Variants in EXTL3 observed in about 807,000 individuals in gnomAD.
The protein encoded by EXTL3 is exostosin-like 3.
Under a neutral mutation model 69.3 loss-of-function variants are expected in EXTL3, and 27 were observed. The ratio of observed to expected loss-of-function variants is 0.39; its 90% CI spans 0.29 to 0.54. The LOEUF is 0.54. Among genes scored for constraint, EXTL3 ranks in the 20% least tolerant of loss-of-function variants. EXTL3 has a pLI of 0.69. For missense variants in EXTL3, 1,003 were observed against 1,231.8 expected (o/e 0.81, Z 2.78); for synonymous variants, 511 against 499.4 (o/e 1.02, Z -0.31).
At chr8:28,612,505 A>C in intron 2 of EXTL3, among the ~76,000 whole-genome samples, 1 of 152,022 alleles carries the variant, frequency 6.6e-6, no homozygotes, top group Non-Finnish European at 1.5e-5. Context: ...AAAATAAAAA[A>C]CAAAATTCTA....
intron 1 of EXTL3, among the ~76,000 whole-genome samples, chr8:28,642,182 C>T (rs950732758): frequency 6.6e-6 from 1 of 152,010 alleles, no homozygotes. Flanking sequence ...GTGGTTCATG[C>T]CTGTAAATTC....
chr8:28,693,567 C>G (rs768525620), intron 1 of EXTL3, among the ~76,000 whole-genome samples: 40 of 152,162 alleles, frequency 2.6e-4, no homozygotes, highest in Non-Finnish European at 4.9e-4. Flanking sequence ...AATGAGTTAA[C>G]AAATAGTTTC....
Position 28,750,968 on chromosome 8 carries a change from C to T in EXTL3, c.*102C>T. The T allele has an allele frequency of 2.0e-6, 2 of 995,294 alleles. No homozygotes were observed. The highest frequency in any genetic ancestry group is 3.1e-6 in the Non-Finnish European group (2 of 648,782). The allele number at this position is 995,294 out of a possible 1,614,324, so 61.7% of individuals were successfully genotyped here. On this transcript the variant is annotated 3_prime_UTR_variant, in exon 7 of 7. Transcript: ENST00000220562. The surrounding 1 kb of genome is among the most constrained non-coding windows in gnomAD (Gnocchi z 5.2). ...CTTGGGCACATCTGCTGGTGGGTGGCCCAGAGCCTCTGCTGGAAGGGGCAG... is the reference window on the plus strand; with the variant it reads ...CTTGGGCACATCTGCTGGTGGGTGGTCCAGAGCCTCTGCTGGAAGGGGCAG...
At chr8:28,731,891 T>G (rs1447047051) in intron 4 of EXTL3, among the ~76,000 whole-genome samples, 2 of 151,996 alleles carry the variant, frequency 1.3e-5, no homozygotes, top group Non-Finnish European at 2.9e-5. Context: ...GTAATGATGA[T>G]GATGATGATG....
intron 1 of EXTL3, among the ~76,000 whole-genome samples, chr8:28,709,783 T>A (rs1800996586): frequency 6.6e-6 from 1 of 152,140 alleles, no homozygotes; most frequent in East Asian, 1.9e-4. Flanking sequence ...AATCGCAGTT[T>A]GCTATTGTGA....
intron 1 of EXTL3, among the ~76,000 whole-genome samples, chr8:28,648,539 C>T (rs1806869769): frequency 6.6e-6 from 1 of 152,096 alleles, no homozygotes; most frequent in Non-Finnish European, 1.5e-5. Context: ...TAACATTCTG[C>T]CTTTTGGCTC....
chr8:28,743,053 C>A (rs776131467), intron 5 of EXTL3, 33 bp from the exon 6 acceptor site: 2 of 1,613,588 alleles, frequency 1.2e-6, no homozygotes, highest in South Asian at 2.2e-5. Flanking sequence ...TGTCTTGTAA[C>A]AGAGCATGTG....
chr8:28,749,446 A>G (rs1223488986), intron 6 of EXTL3, among the ~76,000 whole-genome samples: 1 of 152,102 alleles, frequency 6.6e-6, no homozygotes, highest in Non-Finnish European at 1.5e-5. Flanking sequence ...AAATTTAAAG[A>G]CACTTCTTCC....
At chr8:28,617,479 A>G (rs1231715289) in intron 2 of EXTL3, among the ~76,000 whole-genome samples, 1 of 152,218 alleles carries the variant, frequency 6.6e-6, no homozygotes, top group African/African-American at 2.4e-5. Context: ...CTATTCAGCC[A>G]TAAAAAGAAA....
chr8:28,660,077 G>A (rs1807082325), intron 1 of EXTL3, among the ~76,000 whole-genome samples: 1 of 152,174 alleles, frequency 6.6e-6, no homozygotes, highest in South Asian at 2.1e-4. Flanking sequence ...AAAAAATAAA[G>A]TTGGGCCGGG....
chr8:28,646,641 T>G (rs1806836026), intron 1 of EXTL3, among the ~76,000 whole-genome samples: 1 of 152,168 alleles, frequency 6.6e-6, no homozygotes, highest in Non-Finnish European at 1.5e-5. Flanking sequence ...GCACATTCAC[T>G]AAATTGTTAA....
intron 1 of EXTL3, among the ~76,000 whole-genome samples, chr8:28,656,761 C>T (rs1277180054): frequency 6.6e-6 from 1 of 152,112 alleles, no homozygotes; most frequent in East Asian, 1.9e-4. Flanking sequence ...CTAAAACCTC[C>T]TCAAATAGTT....
At position 28,713,553 on chromosome 8, in the gene EXTL3, GAGGA is replaced by G; in HGVS notation, c.-476+9_-476+12del. 1 of 702,284 alleles carries G rather than the reference GAGGA, an allele frequency of 1.4e-6. No individual in the cohort carries two copies. Among genetic ancestry groups the G allele is most frequent in the Non-Finnish European group, 2.6e-6 (1 of 384,866 alleles). 43.5% of individuals were successfully genotyped at this position (702,284 alleles called of 1,614,324 possible). On this transcript the variant is annotated splice_donor_5th_base_variant and intron_variant, in intron 2 of 6. Transcript: ENST00000220562. ...AAGGAAGGGTCCTGAAACACATGGT[GAGGA>G]AGGAATGAGTCAGCTGGATTGCTGT...
At chr8:28,643,899 G>C (rs577625209) in intron 1 of EXTL3, among the ~76,000 whole-genome samples, 7 of 152,160 alleles carry the variant, frequency 4.6e-5, no homozygotes, top group Admixed American at 4.6e-4. Flanking sequence ...CTGAGTAGCT[G>C]GGACCACAGG....
intron 1 of EXTL3, among the ~76,000 whole-genome samples, chr8:28,679,289 T>C (rs1807440240): frequency 6.6e-6 from 1 of 151,862 alleles, no homozygotes; most frequent in Non-Finnish European, 1.5e-5. Context: ...CTACTAAAAA[T>C]ACAAAAATTA....
chr8:28,734,826 C>T (rs879376865), intron 4 of EXTL3, among the ~76,000 whole-genome samples: 2 of 152,222 alleles, frequency 1.3e-5, no homozygotes, highest in Non-Finnish European at 1.5e-5. Context: ...TCACTGAAGG[C>T]CTAACCTGAC....
chr8:28,636,844 C>G (rs1005674666), intron 1 of EXTL3, among the ~76,000 whole-genome samples: 1 of 152,142 alleles, frequency 6.6e-6, no homozygotes, highest in African/African-American at 2.4e-5. Context: ...AACCCTGTCT[C>G]TACTAAAAAT....
At chr8:28,645,953 C>T (rs1806822177) in intron 1 of EXTL3, among the ~76,000 whole-genome samples, 1 of 152,042 alleles carries the variant, frequency 6.6e-6, no homozygotes, top group Non-Finnish European at 1.5e-5. Flanking sequence ...GCCTCAACTT[C>T]TCAGGCTCCG....
At chr8:28,680,882 A>G (rs972718463) in intron 1 of EXTL3, among the ~76,000 whole-genome samples, 4 of 151,920 alleles carry the variant, frequency 2.6e-5, no homozygotes, top group Non-Finnish European at 4.4e-5. Flanking sequence ...AAATGATAAG[A>G]TTTCCTTCTT....
Sources: gnomAD v4.1 joint callset for allele counts (sites outside exome capture counted in the v4.1 genomes callset) on GRCh38, gnomAD v4.1.1 for gene constraint, Gnocchi (gnomAD v3.1) non-coding constraint, MANE v1.5 for transcripts, NCBI Gene and HGNC (gene_info 2026-07-23, HGNC 2026-07-21) for gene names.